RNGTT: variants seen among roughly 807,000 people sequenced by gnomAD.
The protein encoded by RNGTT is RNA guanylyltransferase and 5'-phosphatase, also known as mRNA-capping enzyme.
A neutral mutation model predicts 79.3 loss-of-function variants in RNGTT; 33 were observed. The ratio of observed to expected loss-of-function variants is 0.42; its 90% confidence interval spans 0.32 to 0.56. The LOEUF (loss-of-function observed/expected upper bound fraction) is 0.56. Among genes scored for constraint, RNGTT ranks in the 20% least tolerant of loss-of-function variants. The pLI is 0.17. For missense variants in RNGTT, 497 were observed against 739.1 expected (o/e 0.67, Z 3.80); for synonymous variants, 222 against 235.9 (o/e 0.94, Z 0.54).
chr6:88,784,966 A>G (rs1779181546), intron 12 of RNGTT, among the ~76,000 whole-genome samples: 1 of 152,178 alleles, frequency 6.6e-6, no homozygotes, highest in East Asian at 1.9e-4. Context: ...GAAGTATGAG[A>G]GGGAAATTTT....
chr6:88,736,987 G>A lies in RNGTT; in HGVS notation c.1439+32787C>T, dbSNP rs550253807. Among the ~76,000 whole-genome samples, 140 of 152,272 alleles carry A rather than the reference G, an allele frequency of 9.2e-4. 1 individual carries two copies. Among genetic ancestry groups the A allele is most frequent in the African/African-American group, 3.3e-3 (136 of 41,566 alleles). On this transcript the variant is annotated intron_variant, in intron 13 of 15. Coordinates refer to ENST00000369485, the MANE Select transcript of RNGTT (RefSeq NM_003800.5). ...TAGGTTATTGCTACCCAGGAGCCTT[G>A]GAGGCAGGAGTCTATGGAGGTGGGG...
chr6:88,748,448 C>G (rs1777737603), intron 13 of RNGTT, among the ~76,000 whole-genome samples: 2 of 151,964 alleles, frequency 1.3e-5, no homozygotes, highest in South Asian at 4.1e-4. Flanking sequence ...TCACTTTCTT[C>G]AACTATTTGC....
At chr6:88,808,040 A>T (rs1262622716) in intron 11 of RNGTT, among the ~76,000 whole-genome samples, 1 of 152,222 alleles carries the variant, frequency 6.6e-6, no homozygotes, top group African/African-American at 2.4e-5. Flanking sequence ...CCAAGCTAGA[A>T]TATAAGAAAT....
At chr6:88,626,811 A>G (rs1018019633) in intron 14 of RNGTT, among the ~76,000 whole-genome samples, 2 of 152,088 alleles carry the variant, frequency 1.3e-5, no homozygotes, top group African/African-American at 4.8e-5. Context: ...TATAGGCATA[A>G]CTAGCAAAAA....
intron 8 of RNGTT, among the ~76,000 whole-genome samples, chr6:88,861,453 T>G (rs931464214): frequency 1.3e-5 from 2 of 152,182 alleles, no homozygotes; most frequent in Non-Finnish European, 2.9e-5. Context: ...ACCTCACTGC[T>G]CAGTAAATTC....
chr6:88,953,665 T>A (rs760230005), intron 1 of RNGTT, among the ~76,000 whole-genome samples: 11 of 152,188 alleles, frequency 7.2e-5, no homozygotes, highest in Non-Finnish European at 1.3e-4. Context: ...CCTAGGCACA[T>A]AGTTATCAGG....
At chr6:88,632,705 ATCAAAG>A (rs1772945985) in intron 14 of RNGTT, among the ~76,000 whole-genome samples, 1 of 149,676 alleles carries the variant, frequency 6.7e-6, no homozygotes, top group African/African-American at 2.5e-5. Context: ...GAAACCAACC[ATCAAAG>A]TCAGGGGGGA....
chr6:88,861,036 T>C (rs548753644), intron 8 of RNGTT, among the ~76,000 whole-genome samples: 6 of 152,144 alleles, frequency 3.9e-5, no homozygotes, highest in African/African-American at 1.2e-4. Flanking sequence ...TCCTTCAACA[T>C]AGACAAGTGT....
intron 1 of RNGTT, among the ~76,000 whole-genome samples, 190 bp downstream of exon 1, chr6:88,963,156 G>GC (rs1254303108): frequency 6.6e-6 from 1 of 151,694 alleles, no homozygotes; most frequent in African/African-American, 2.4e-5. Flanking sequence ...AGTAACAAGT[G>GC]CCCCCCATCC....
chr6:88,791,774 C>T (rs1391346077), intron 12 of RNGTT, among the ~76,000 whole-genome samples: 5 of 151,790 alleles, frequency 3.3e-5, no homozygotes, highest in South Asian at 4.2e-4. Context: ...CTCCTGACCT[C>T]GTGATCCGCC....
chr6:88,730,678 T>C (rs2127819521), intron 13 of RNGTT, among the ~76,000 whole-genome samples: 1 of 152,352 alleles, frequency 6.6e-6, no homozygotes, highest in Admixed American at 6.5e-5. Context: ...GGCCATGGAC[T>C]GGTACGGGTC....
chr6:88,704,877 T>C (rs767204745), intron 13 of RNGTT, among the ~76,000 whole-genome samples: 5 of 152,114 alleles, frequency 3.3e-5, no homozygotes, highest in African/African-American at 1.2e-4. Context: ...TAATTGATCA[T>C]ATTATATATT....
intron 13 of RNGTT, among the ~76,000 whole-genome samples, chr6:88,752,848 C>T (rs1777883798): frequency 6.6e-6 from 1 of 151,968 alleles, no homozygotes; most frequent in Non-Finnish European, 1.5e-5. Flanking sequence ...ATCAAAACAT[C>T]TCATGTACCT....
intron 4 of RNGTT, among the ~76,000 whole-genome samples, chr6:88,922,890 A>C (rs1309581048): frequency 6.6e-6 from 1 of 152,132 alleles, no homozygotes; most frequent in East Asian, 1.9e-4. Context: ...CGCTCTTTTA[A>C]ATGCAATCAA....
intron 4 of RNGTT, among the ~76,000 whole-genome samples, chr6:88,919,299 T>C (rs750830018): frequency 2.6e-4 from 39 of 152,204 alleles, no homozygotes; most frequent in Non-Finnish European, 4.1e-4. Context: ...TCAAGGCAAC[T>C]TCTATTCAAA....
chr6:88,769,067 A>T (rs1437593943), intron 13 of RNGTT, among the ~76,000 whole-genome samples: 1 of 152,210 alleles, frequency 6.6e-6, no homozygotes, highest in Non-Finnish European at 1.5e-5. Flanking sequence ...TTATATCTAG[A>T]TCTATAATTC....
chr6:88,819,426 G>C (rs1188541974), intron 11 of RNGTT, among the ~76,000 whole-genome samples: 1 of 152,154 alleles, frequency 6.6e-6, no homozygotes, highest in Non-Finnish European at 1.5e-5. Flanking sequence ...AGCTCATGCA[G>C]CTAATAAACA....
intron 8 of RNGTT, among the ~76,000 whole-genome samples, chr6:88,864,126 C>T (rs749350489): frequency 1.3e-5 from 2 of 152,102 alleles, no homozygotes; most frequent in Non-Finnish European, 2.9e-5. Context: ...CTATTCAAAA[C>T]TCCCATGAAA....
chr6:88,743,277 AAAG>A (rs1777555699), intron 13 of RNGTT, among the ~76,000 whole-genome samples: 1 of 152,160 alleles, frequency 6.6e-6, no homozygotes, highest in Non-Finnish European at 1.5e-5. Flanking sequence ...GAACCACTTT[AAAG>A]AAGTTTACTT....
Sources: gnomAD v4.1 joint callset for allele counts (sites outside exome capture counted in the v4.1 genomes callset) on GRCh38, gnomAD v4.1.1 for gene constraint, MANE v1.5 for transcripts, NCBI Gene and HGNC (gene_info 2026-07-23, HGNC 2026-07-21) for gene names.